Variants in PLK3 observed in about 807,000 individuals in gnomAD.
PLK3 encodes the protein serine/threonine-protein kinase PLK3.
Under a neutral mutation model 71.6 loss-of-function variants are expected in PLK3, and 41 were observed. The observed-to-expected ratio is 0.57, with a 90% confidence interval of 0.45 to 0.74. PLK3 has a LOEUF of 0.74. Ranked by LOEUF, PLK3 falls within the 30% of genes least tolerant of loss-of-function variation. The pLI is 0.00. For missense variants in PLK3, 791 were observed against 875.6 expected (o/e 0.90, Z 1.22); for synonymous variants, 366 against 355.4 (o/e 1.03, Z -0.33).
At position 44,803,753 on chromosome 1, in the gene PLK3, C is replaced by A; in HGVS notation, c.1164+62C>A. ...CCCCCACCCTAGCAGCTGAGGGAAG[C>A]CGGGGATAAAAGAGGCTGCTGAAGC... On this transcript the variant is annotated intron_variant, in intron 9 of 14. Transcript: ENST00000372201. The surrounding 1 kb of genome is among the most constrained non-coding windows in gnomAD (Gnocchi z 4.3). 7.4e-7 allele frequency: 1 copy of A among 1,353,152 alleles called. No individual in the cohort carries two copies. Among genetic ancestry groups the A allele is most frequent in the Non-Finnish European group, 1.0e-6 (1 of 960,162 alleles). The allele number at this position is 1,353,152 out of a possible 1,614,324, so 83.8% of individuals were successfully genotyped here.
At position 44,803,798 on chromosome 1, in the gene PLK3, T is replaced by A; in HGVS notation, c.1164+107T>A. On this transcript the variant is annotated intron_variant, in intron 9 of 14. Coordinates refer to ENST00000372201, the MANE Select transcript of PLK3 (RefSeq NM_004073.4). The surrounding 1 kb of genome is among the most constrained non-coding windows in gnomAD (Gnocchi z 4.3). ...TGAAGCATCCAGCCTCGTGGTGGCC[T>A]AATTGGCTGTGTGTCACCAGCCTGG... 1.8e-6 allele frequency: 2 copies of A among 1,136,218 alleles called. No homozygotes were observed. The highest frequency in any genetic ancestry group is 2.6e-6 in the Non-Finnish European group (2 of 770,020). The allele number at this position is 1,136,218 out of a possible 1,614,324, so 70.4% of individuals were successfully genotyped here. A position where few individuals can be genotyped will look rare whatever the true frequency, so the allele number is the denominator to read the frequency against.
intron 13 of PLK3, 137 bp downstream of exon 13, chr1:44,804,916 T>C: frequency 1.3e-6 from 1 of 788,506 alleles, no homozygotes; most frequent in African/African-American, 1.7e-5. Flanking sequence ...CCATCCTGGC[T>C]AACAAGGTGA....
chr1:44,805,936 T>C lies in PLK3; in HGVS notation c.*258T>C. The C allele has an allele frequency of 2.0e-6, 3 of 1,497,006 alleles. No individual in the cohort carries two copies. The highest frequency in any genetic ancestry group is 2.7e-6 in the Non-Finnish European group (3 of 1,123,392). The allele number at this position is 1,497,006 out of a possible 1,614,324, so 92.7% of individuals were successfully genotyped here. A position where few individuals can be genotyped will look rare whatever the true frequency, so the allele number is the denominator to read the frequency against. ...TATTTATTGTCAGACACTTATTTAT[T>C]GGGATGTGAGCCCCAGGGGGGCCTC... On this transcript the variant is annotated 3_prime_UTR_variant, in exon 15 of 15. Transcript: ENST00000372201.
At position 44,803,654 on chromosome 1, in the gene PLK3, T is replaced by C. The variant is rs777102286; in HGVS notation, c.1127T>C (p.Met376Thr). 5 of 1,613,930 alleles carry C rather than the reference T, an allele frequency of 3.1e-6. No homozygotes were observed. The highest frequency in any genetic ancestry group is 1.7e-5 in the Admixed American group (1 of 60,002). ...GTCTCCGGTTTGGTGAGCGGCCTCA[T>C]GCGCACATCCGTTGGCCATCAGGAT... The part of the protein sequence containing the change: ...DEVSGLVSGL[M>T]RTSVGHQDAR... Residue 376 changes from methionine (M) to threonine (T), a missense_variant, in exon 9 of 15, where the codon ATG becomes ACG. Met to Thr is a moderately conservative substitution (Grantham distance 81, BLOSUM62 -1). Transcript: ENST00000372201. The surrounding 1 kb of genome is among the most constrained non-coding windows in gnomAD (Gnocchi z 4.3).
Position 44,805,714 on chromosome 1 carries a change from A to T in PLK3, c.*36A>T, listed in dbSNP as rs1223722561. 6.3e-7 allele frequency: 1 copy of T among 1,595,360 alleles called. No homozygotes were observed. Reference sequence around the variant, plus strand: ...CTGAGGCCTGAGGCCTGTGCCTGTCAGGCTCTGGCCCTTGCCTTTGTGGCC... The same window carrying T: ...CTGAGGCCTGAGGCCTGTGCCTGTCTGGCTCTGGCCCTTGCCTTTGTGGCC... On this transcript the variant is annotated 3_prime_UTR_variant, in exon 15 of 15. Coordinates refer to ENST00000372201, the MANE Select transcript of PLK3 (RefSeq NM_004073.4).
chr1:44,805,940 A>C lies in PLK3; in HGVS notation c.*262A>C. On this transcript the variant is annotated 3_prime_UTR_variant, in exon 15 of 15. Transcript: ENST00000372201. ...TATTGTCAGACACTTATTTATTGGG[A>C]TGTGAGCCCCAGGGGGGCCTCCTCC... 2.0e-6 allele frequency: 3 copies of C among 1,500,104 alleles called. No homozygotes were observed. Among genetic ancestry groups the C allele is most frequent in the East Asian group, 2.3e-5 (1 of 42,904 alleles). 92.9% of individuals were successfully genotyped at this position (1,500,104 alleles called of 1,614,324 possible).
chr1:44,800,589 C>G lies in PLK3; in HGVS notation c.126C>G (p.Ala42=), dbSNP rs1165523877. 8 of 1,536,750 alleles carry G rather than the reference C, an allele frequency of 5.2e-6. No individual in the cohort carries two copies. The Admixed American group carries it at 1.6e-4, about 30-fold the overall frequency. Residue 42 remains alanine, a synonymous_variant, in exon 1 of 15, where the codon GCC becomes GCG. Transcript: ENST00000372201. The surrounding 1 kb of genome is among the most constrained non-coding windows in gnomAD (Gnocchi z 6.5). ...GCGGACCTGAGCTGGAGATGCTGGC[C>G]GGGCTACCGACGTCAGACCCCGGGC... ...ALRGPELEML[A]GLPTSDPGRL...
chr1:44,803,173 T>C lies in PLK3; in HGVS notation c.948+20T>C, dbSNP rs1159896685. On this transcript the variant is annotated intron_variant, in intron 7 of 14. Transcript: ENST00000372201. This position sits in a 1 kb window ranked among gnomAD's most constrained non-coding sequence, Gnocchi z 4.3. Reference sequence around the variant, plus strand: ...ACCAAGGTCTGTGGCTCCCCAGACCTCTAAGTCCATCTGTGTATTCCCAGG... The same window carrying C: ...ACCAAGGTCTGTGGCTCCCCAGACCCCTAAGTCCATCTGTGTATTCCCAGG... 1.9e-6 allele frequency: 3 copies of C among 1,613,394 alleles called. No homozygotes were observed. The highest frequency in any genetic ancestry group is 1.7e-6 in the Non-Finnish European group (2 of 1,179,640).
Position 44,800,717 on chromosome 1 carries a change from G to A in PLK3, c.210+44G>A, listed in dbSNP as rs763831383. 3.6e-5 allele frequency: 55 copies of A among 1,536,596 alleles called. No individual in the cohort carries two copies. In the Middle Eastern group the frequency reaches 3.0e-3, roughly 84 times the overall value. On this transcript the variant is annotated intron_variant, in intron 1 of 14. Coordinates refer to ENST00000372201, the MANE Select transcript of PLK3 (RefSeq NM_004073.4). This position sits in a 1 kb window ranked among gnomAD's most constrained non-coding sequence, Gnocchi z 6.5. ...GCGGGGTGGTGATGGTGGAGGTGGGGGTCCCGGCCGGCCTCTTTTCTGGCG... is the reference window on the plus strand; with the variant it reads ...GCGGGGTGGTGATGGTGGAGGTGGGAGTCCCGGCCGGCCTCTTTTCTGGCG...
chr1:44,805,302 C>T lies in PLK3; in HGVS notation c.1672C>T (p.Pro558Ser), dbSNP rs766061437. 7 of 1,613,872 alleles carry T rather than the reference C, an allele frequency of 4.3e-6. No individual in the cohort carries two copies. The highest frequency in any genetic ancestry group is 2.2e-5 in the East Asian group (1 of 44,880). ...GCCCAGTGTGGAAGAGGTAGAGGTA[C>T]CTGCTCCGCCCTTGCTGCTGCAGTG... is the stretch of plus-strand genomic sequence containing the variant. ...DLPSVEEVEVPAPPLLLQWVK... is the reference protein window; with the variant it reads ...DLPSVEEVEVSAPPLLLQWVK... Residue 558 changes from proline (P) to serine (S), a missense_variant, in exon 14 of 15, where the codon CCT becomes TCT. By Grantham distance (74) the Pro-to-Ser change is moderately conservative. Transcript: ENST00000372201.
chr1:44,801,038 C>T lies in PLK3; in HGVS notation c.321C>T (p.Ile107=). The T allele has an allele frequency of 6.2e-7, 1 of 1,613,276 alleles. No individual in the cohort carries two copies. Among genetic ancestry groups the T allele is most frequent in the Non-Finnish European group, 8.5e-7 (1 of 1,179,534 alleles). The change falls in exon 3 of 15, where the codon ATC becomes ATT. Residue 107 remains isoleucine, a splice_region_variant and synonymous_variant. Transcript: ENST00000372201. ...RVAKPHQREK[I]LNEIELHRDL... ...ACGACTCCGCGCCCTCATCGCAGATCCTAAATGAGATTGAGCTGCACCGAG... is the reference window on the plus strand; with the variant it reads ...ACGACTCCGCGCCCTCATCGCAGATTCTAAATGAGATTGAGCTGCACCGAG...
At chr1:44,804,888 G>T (rs17880363) in intron 13 of PLK3, 109 bp downstream of exon 13, 11,018 of 1,002,368 alleles carry the variant, frequency 0.011, 72 homozygotes, top group Non-Finnish European at 0.013. Flanking sequence ...GGTGGATTAT[G>T]AGGTCAGGAG....
Position 44,803,236 on chromosome 1 carries a change from C to A in PLK3, c.949-32C>A. The A allele has an allele frequency of 1.2e-6, 2 of 1,612,994 alleles. No homozygotes were observed. The highest frequency in any genetic ancestry group is 8.5e-7 in the Non-Finnish European group (1 of 1,179,144). On this transcript the variant is annotated intron_variant, in intron 7 of 14. Coordinates refer to ENST00000372201, the MANE Select transcript of PLK3 (RefSeq NM_004073.4). This position sits in a 1 kb window ranked among gnomAD's most constrained non-coding sequence, Gnocchi z 4.3. ...GCAGGTGACAGGACCCCTGGAGCCT[C>A]TCTTCTCTGTTCACATGGTTCCCCT...
At position 44,803,461 on chromosome 1, in the gene PLK3, T is replaced by C; in HGVS notation, c.1072+70T>C. Reference sequence around the variant, plus strand: ...CGGCTTGTCACATTTGTCTTGGGTGTGTGAGTGTGGGTGCCTGGAAACTCC... The same window carrying C: ...CGGCTTGTCACATTTGTCTTGGGTGCGTGAGTGTGGGTGCCTGGAAACTCC... On this transcript the variant is annotated intron_variant, in intron 8 of 14. Transcript: ENST00000372201. This position sits in a 1 kb window ranked among gnomAD's most constrained non-coding sequence, Gnocchi z 4.3. 1 of 1,606,024 alleles carries C rather than the reference T, an allele frequency of 6.2e-7. No individual in the cohort carries two copies. The highest frequency in any genetic ancestry group is 1.7e-5 in the Admixed American group (1 of 59,612).
Position 44,805,715 on chromosome 1 carries a change from G to A in PLK3, c.*37G>A, listed in dbSNP as rs541169493. The A allele has an allele frequency of 6.3e-7, 1 of 1,592,468 alleles. No homozygotes were observed. The highest frequency in any genetic ancestry group is 1.3e-5 in the African/African-American group (1 of 74,602). ...TGAGGCCTGAGGCCTGTGCCTGTCAGGCTCTGGCCCTTGCCTTTGTGGCCT... is the reference window on the plus strand; with the variant it reads ...TGAGGCCTGAGGCCTGTGCCTGTCAAGCTCTGGCCCTTGCCTTTGTGGCCT... On this transcript the variant is annotated 3_prime_UTR_variant, in exon 15 of 15. Transcript: ENST00000372201.
chr1:44,802,423 C>T (rs1380240134), intron 5 of PLK3, among the ~76,000 whole-genome samples: 1 of 151,954 alleles, frequency 6.6e-6, no homozygotes, highest in Non-Finnish European at 1.5e-5. Context: ...GTGTGTGGCA[C>T]AAACCGTGGG....
In PLK3 at chr1:44,800,783, C is replaced by G. The variant is rs1031717959; in HGVS notation, c.211-57C>G. The G allele has an allele frequency of 6.4e-7, 1 of 1,557,420 alleles. No individual in the cohort carries two copies. The highest frequency in any genetic ancestry group is 8.7e-7 in the Non-Finnish European group (1 of 1,151,532). The stretch of plus-strand genomic sequence containing the variant: ...GCACTTGACCCCCAACGCGGGGACG[C>G]CCGCGGGCCAGACTCGGCCCCCCTG... On this transcript the variant is annotated intron_variant, in intron 1 of 14. Coordinates refer to ENST00000372201, the MANE Select transcript of PLK3 (RefSeq NM_004073.4). The surrounding 1 kb of genome is among the most constrained non-coding windows in gnomAD (Gnocchi z 6.5).
In PLK3 at chr1:44,801,136, A is replaced by C. The variant is rs1341572956; in HGVS notation, c.419A>C (p.Glu140Ala). ...EDADNIYIFL[E>A]LCSRKSLAHI... is the part of the protein sequence containing the mutation. Reference sequence around the variant, plus strand: ...GCTGACAACATCTACATTTTCTTGGAGCTCTGCAGCCGAAAGGTGAAAGAT... The same window carrying C: ...GCTGACAACATCTACATTTTCTTGGCGCTCTGCAGCCGAAAGGTGAAAGAT... Residue 140 changes from glutamate to alanine, a missense_variant, in exon 3 of 15, where the codon GAG (glutamate) becomes GCG (alanine). By Grantham distance (107) the Glu-to-Ala change is moderately radical. Coordinates refer to ENST00000372201, the MANE Select transcript of PLK3 (RefSeq NM_004073.4). 4.4e-6 allele frequency: 7 copies of C among 1,601,604 alleles called. No individual in the cohort carries two copies. The highest frequency in any genetic ancestry group is 1.1e-5 in the South Asian group (1 of 90,852).
In PLK3 at chr1:44,805,293, G is replaced by A. The variant is rs1557624685; in HGVS notation, c.1663G>A (p.Val555Ile). The part of the protein sequence containing the change: ...KGGDLPSVEE[V>I]EVPAPPLLLQ... Reference sequence around the variant, plus strand: ...TGGAGATCTGCCCAGTGTGGAAGAGGTAGAGGTACCTGCTCCGCCCTTGCT... The same window carrying A: ...TGGAGATCTGCCCAGTGTGGAAGAGATAGAGGTACCTGCTCCGCCCTTGCT... Residue 555 changes from valine (V) to isoleucine (I), a missense_variant, in exon 14 of 15, where the codon GTA (valine) becomes ATA (isoleucine). Physicochemically the swap from Val to Ile is conservative, Grantham distance 29. Transcript: ENST00000372201. 4 of 1,613,528 alleles carry A rather than the reference G, an allele frequency of 2.5e-6. No individual in the cohort carries two copies. The highest frequency in any genetic ancestry group is 2.7e-5 in the African/African-American group (2 of 74,794).
Sources: gnomAD v4.1 joint callset for allele counts (sites outside exome capture counted in the v4.1 genomes callset) on GRCh38, gnomAD v4.1.1 for gene constraint, Gnocchi (gnomAD v3.1) non-coding constraint, MANE v1.5 for transcripts, NCBI Gene and HGNC (gene_info 2026-07-23, HGNC 2026-07-21) for gene names.